SERPINA5: variants seen among roughly 807,000 people sequenced by gnomAD.
SERPINA5 encodes the protein serpin family A member 5.
Under a neutral mutation model 25.3 loss-of-function variants are expected in SERPINA5, and 25 were observed. The observed-to-expected ratio is 0.99, with a 90% CI of 0.72 to 1.38. SERPINA5 has a LOEUF of 1.38. Ranked by LOEUF, SERPINA5 falls within the 40% of genes most tolerant of loss-of-function variation. The pLI is 0.00. For synonymous variants in SERPINA5, 234 were observed against 206.2 expected (o/e 1.14, Z -1.16); for missense variants, 599 against 509.5 (o/e 1.18, Z -1.69).
intron 2 of SERPINA5, chr14:94,582,315 G>A (rs902124312): frequency 1.8e-4 from 28 of 152,258 alleles, no homozygotes; most frequent in African/African-American, 6.3e-4. Flanking sequence ...ACCGAAGCAT[G>A]AAGAATACAG....
intron 2 of SERPINA5, among the ~76,000 whole-genome samples, chr14:94,584,157 G>C (rs1885000925): frequency 6.6e-6 from 1 of 152,306 alleles, no homozygotes; most frequent in African/African-American, 2.4e-5. Flanking sequence ...GCCACTCAGA[G>C]ACAGGCTGTG....
chr14:94,582,970 G>T (rs1189108707), intron 2 of SERPINA5, among the ~76,000 whole-genome samples: 1 of 152,152 alleles, frequency 6.6e-6, no homozygotes. Context: ...TTGGGGGAGG[G>T]TTCCAGTAGA....
In SERPINA5 at chr14:94,591,992, G is replaced by T. The variant is rs543384214; in HGVS notation, c.1039-65G>T. 4 of 1,533,154 alleles carry T rather than the reference G, an allele frequency of 2.6e-6. No homozygotes were observed. In the East Asian group the frequency reaches 6.8e-5, roughly 26 times the overall value. 95.0% of individuals were successfully genotyped at this position (1,533,154 alleles called of 1,614,324 possible). A position where few individuals can be genotyped will look rare whatever the true frequency, so the allele number is the denominator to read the frequency against. On this transcript the variant is annotated intron_variant, in intron 5 of 5. Coordinates refer to ENST00000329597, the MANE Select transcript of SERPINA5 (RefSeq NM_000624.6). ...GTTGATGCCCATAGGCAGAAGCTTT[G>T]CCATTTGCTATGATGACTTCACCTG...
At chr14:94,585,980 T>A (rs1885069942) in intron 2 of SERPINA5, among the ~76,000 whole-genome samples, 1 of 152,162 alleles carries the variant, frequency 6.6e-6, no homozygotes. Context: ...AAGGTGTAAC[T>A]GACTTGCCCA....
In SERPINA5 at chr14:94,590,230, C is replaced by T. The variant is rs757153722; in HGVS notation, c.809C>T (p.Pro270Leu). The change falls in exon 4 of 6, where the codon CCC (proline) becomes CTC (leucine). Residue 270 changes from proline (P) to leucine (L), a missense_variant. Pro to Leu is a moderately conservative substitution (Grantham distance 98, BLOSUM62 -3). Coordinates refer to ENST00000329597, the MANE Select transcript of SERPINA5 (RefSeq NM_000624.6). Reference sequence around the variant, plus strand: ...AATGCCACGGCTTTGTTCATTCTCCCCAGTGAGGGAAAGATGCAGCAGGTG... The same window carrying T: ...AATGCCACGGCTTTGTTCATTCTCCTCAGTGAGGGAAAGATGCAGCAGGTG... ...QGNATALFIL[P>L]SEGKMQQVEN... 5.6e-6 allele frequency: 9 copies of T among 1,613,802 alleles called. No individual in the cohort carries two copies. Among genetic ancestry groups the T allele is most frequent in the Non-Finnish European group, 7.6e-6 (9 of 1,179,858 alleles).
At position 94,590,328 on chromosome 14, in the gene SERPINA5, C is replaced by T. The variant is rs1266184665; in HGVS notation, c.890+17C>T. On this transcript the variant is annotated intron_variant, in intron 4 of 5. Transcript: ENST00000329597. ...CAAAAAGAGGTACTTTCAGACTACC[C>T]CAGGGCCAGCCTAAACCCACACAGC... 2 of 1,570,832 alleles carry T rather than the reference C, an allele frequency of 1.3e-6. No individual in the cohort carries two copies. Among genetic ancestry groups the T allele is most frequent in the Admixed American group, 1.7e-5 (1 of 57,762 alleles).
chr14:94,589,210 G>A (rs1044685083), intron 3 of SERPINA5, among the ~76,000 whole-genome samples: 3 of 152,194 alleles, frequency 2.0e-5, no homozygotes, highest in Admixed American at 6.5e-5. Flanking sequence ...ATTTTAGGAG[G>A]CCGAGATGGG....
Position 94,587,715 on chromosome 14 carries a change from T to C in SERPINA5, c.353T>C (p.Leu118Pro), listed in dbSNP as rs777303383. ...GGCTTTCAGCAGCTCCTTCAGGAAC[T>C]CAACCAGCCCAGAGATGGCTTCCAG... is the stretch of plus-strand genomic sequence containing the variant. ...HRGFQQLLQELNQPRDGFQLS... is the reference protein window; with the variant it reads ...HRGFQQLLQEPNQPRDGFQLS... The change falls in exon 3 of 6, where the codon CTC becomes CCC. Residue 118 changes from leucine (L) to proline (P), a missense_variant. Transcript: ENST00000329597. 3.7e-6 allele frequency: 6 copies of C among 1,614,180 alleles called. No individual in the cohort carries two copies. Among genetic ancestry groups the C allele is most frequent in the Non-Finnish European group, 5.1e-6 (6 of 1,180,028 alleles).
chr14:94,588,114 T>C (rs1192096046), intron 3 of SERPINA5, 133 bp downstream of exon 3: 1 of 1,164,184 alleles, frequency 8.6e-7, no homozygotes, highest in Non-Finnish European at 1.2e-6. Flanking sequence ...TTGAGAAAAA[T>C]TAAGTAAACA....
intron 2 of SERPINA5, among the ~76,000 whole-genome samples, chr14:94,584,668 A>G (rs1288104420): frequency 6.6e-6 from 1 of 152,154 alleles, no homozygotes; most frequent in Admixed American, 6.5e-5. Context: ...AGATGGGAGA[A>G]TGGAGGCCAG....
chr14:94,590,916 T>C lies in SERPINA5; in HGVS notation c.1038+20T>C, dbSNP rs765224649. 1.9e-6 allele frequency: 3 copies of C among 1,598,506 alleles called. No individual in the cohort carries two copies. In the South Asian group the frequency reaches 3.4e-5, roughly 18 times the overall value. ...TCTGAGGTGGGTTCAGAAGCTCCTA[T>C]GCATCTGCTTCCCAAGGTCTATTCT... On this transcript the variant is annotated intron_variant, in intron 5 of 5. Transcript: ENST00000329597.
intron 5 of SERPINA5, among the ~76,000 whole-genome samples, chr14:94,591,584 A>ATTCTATTCTATTC (rs1885300950): frequency 2.7e-5 from 4 of 149,822 alleles, no homozygotes; most frequent in African/African-American, 9.9e-5. Context: ...ATTCTATTCT[A>ATTCTATTCTATTC]TTCTATTCTA....
intron 4 of SERPINA5, 74 bp downstream of exon 4, chr14:94,590,385 A>T (rs1020316754): frequency 6.7e-7 from 1 of 1,486,512 alleles, no homozygotes; most frequent in Non-Finnish European, 9.0e-7. Flanking sequence ...TACCAGGGCC[A>T]CACAGCACTG....
rs764515005 is a variant in SERPINA5, at chr14:94,592,289, G to T, written c.*50G>T. 1 of 1,561,408 alleles carries T rather than the reference G, an allele frequency of 6.4e-7. No homozygotes were observed. The highest frequency in any genetic ancestry group is 8.7e-7 in the Non-Finnish European group (1 of 1,146,648). ...AGGCCTCAGGGTGGGAGATGAAGGG[G>T]GCTAAGCTATGGCCCATCTGTATGC... is the stretch of plus-strand genomic sequence containing the variant. On this transcript the variant is annotated 3_prime_UTR_variant, in exon 6 of 6. Coordinates refer to ENST00000329597, the MANE Select transcript of SERPINA5 (RefSeq NM_000624.6).
Position 94,587,609 on chromosome 14 carries a change from G to A in SERPINA5, c.247G>A (p.Ala83Thr), listed in dbSNP as rs1431711373. The A allele has an allele frequency of 2.5e-6, 4 of 1,613,902 alleles. No homozygotes were observed. In the Admixed American group the frequency reaches 5.0e-5, roughly 20 times the overall value. ...SMSLAMLSLG[A>T]GSSTKMQILE... ...GAGCCTGGCCATGCTCTCCCTGGGG[G>A]CTGGGTCCAGCACAAAGATGCAGAT... Residue 83 changes from alanine to threonine, a missense_variant, in exon 3 of 6, where the codon GCT (alanine) becomes ACT (threonine). Ala to Thr is a moderately conservative substitution (Grantham distance 58). Transcript: ENST00000329597.
At chr14:94,588,105 T>A in intron 3 of SERPINA5, 124 bp downstream of exon 3, 1 of 1,268,416 alleles carries the variant, frequency 7.9e-7, no homozygotes, top group Non-Finnish European at 1.1e-6. Flanking sequence ...GGGTGCCTGT[T>A]GAGAAAAATT....
rs2069976 is a variant in SERPINA5 at position 94,587,643 on chromosome 14, G to T, written c.281G>T (p.Gly94Val). ...AGCACAAAGATGCAGATCCTGGAGG[G>T]CCTGGGCCTCAACCTCCAGAAAAGC... ...GSSTKMQILEGLGLNLQKSSE... is the reference protein window; with the variant it reads ...GSSTKMQILEVLGLNLQKSSE... The change falls in exon 3 of 6, where the codon GGC becomes GTC. Residue 94 changes from glycine (G) to valine (V), a missense_variant. Transcript: ENST00000329597. 448 of 1,614,038 alleles carry T rather than the reference G, an allele frequency of 2.8e-4. 1 individual carries two copies. The African/African-American group carries it at 4.9e-3, about 18-fold the overall frequency.
chr14:94,585,813 TACCCTATG>T (rs1885062129), intron 2 of SERPINA5, among the ~76,000 whole-genome samples: 1 of 138,122 alleles, frequency 7.2e-6, no homozygotes, highest in East Asian at 2.0e-4. Context: ...GTAAAGCATG[TACCCTATG>T]GTACAGTTGA....
chr14:94,587,703 T>C lies in SERPINA5; in HGVS notation c.341T>C (p.Leu114Pro). The C allele has an allele frequency of 6.2e-7, 1 of 1,614,152 alleles. No individual in the cohort carries two copies. The highest frequency in any genetic ancestry group is 8.5e-7 in the Non-Finnish European group (1 of 1,180,016). ...EKELHRGFQQ[L>P]LQELNQPRDG... Reference sequence around the variant, plus strand: ...GAGCTGCACAGAGGCTTTCAGCAGCTCCTTCAGGAACTCAACCAGCCCAGA... The same window carrying C: ...GAGCTGCACAGAGGCTTTCAGCAGCCCCTTCAGGAACTCAACCAGCCCAGA... The change falls in exon 3 of 6, where the codon CTC (leucine) becomes CCC (proline). Residue 114 changes from leucine (L) to proline (P), a missense_variant. Coordinates refer to ENST00000329597, the MANE Select transcript of SERPINA5 (RefSeq NM_000624.6).
Sources: allele counts gnomAD v4.1 joint callset (sites outside exome capture counted in the v4.1 genomes callset), GRCh38; gene constraint gnomAD v4.1.1; transcripts MANE v1.5; gene names NCBI Gene and HGNC (gene_info 2026-07-23, HGNC 2026-07-21).